KANK1: variants seen among roughly 807,000 people sequenced by gnomAD.
KANK1 encodes the protein KN motif and ankyrin repeat domain-containing protein 1.
KANK1 carries 109 observed loss-of-function variants against 106.2 expected under a neutral mutation model. The observed-to-expected ratio is 1.03, with a 90% CI of 0.88 to 1.20. The LOEUF (loss-of-function observed/expected upper bound fraction) is 1.20. Ranked by LOEUF, KANK1 falls within the 50% of genes most tolerant of loss-of-function variation. KANK1 has a pLI of 0.00. For missense variants in KANK1, 2,399 were observed against 1,710.7 expected, an observed-to-expected ratio of 1.40 and a Z score of -7.10; for synonymous variants, 873 against 652.2, an observed-to-expected ratio of 1.34 and a Z score of -5.16.
chr9:717,203 G>A (rs1008476984), intron 3 of KANK1, among the ~76,000 whole-genome samples: 139 of 151,866 alleles, frequency 9.2e-4, no homozygotes, highest in African/African-American at 3.1e-3. Context: ...GAAGATCACC[G>A]GCGCCCTAGA....
intron 1 of KANK1, among the ~76,000 whole-genome samples, chr9:656,883 T>C (rs578246698): frequency 5.3e-5 from 8 of 152,308 alleles, no homozygotes; most frequent in African/African-American, 1.9e-4. Flanking sequence ...TTTTTCCTTT[T>C]TTTTTATTGT....
intron 1 of KANK1, among the ~76,000 whole-genome samples, chr9:638,508 C>A (rs886504206): frequency 1.3e-5 from 2 of 152,154 alleles, no homozygotes; most frequent in Admixed American, 6.5e-5. Context: ...TCAGATAAAT[C>A]TCTTATTTCC....
At chr9:602,957 T>TG (rs1384091922) in intron 1 of KANK1, among the ~76,000 whole-genome samples, 1 of 151,886 alleles carries the variant, frequency 6.6e-6, no homozygotes, top group African/African-American at 2.4e-5. Flanking sequence ...GTGTGGCTGA[T>TG]GGGGTTATCA....
chr9:544,160 A>G (rs1448207811), intron 1 of KANK1, among the ~76,000 whole-genome samples: 1 of 151,852 alleles, frequency 6.6e-6, no homozygotes, highest in African/African-American at 2.4e-5. Flanking sequence ...AGCTGGGACC[A>G]CAGGTGTGCA....
chr9:632,282 A>C (rs10815389), intron 1 of KANK1, among the ~76,000 whole-genome samples: 22,577 of 152,178 alleles, frequency 0.15, 1,835 homozygotes, highest in Admixed American at 0.17. Flanking sequence ...AGATTTTGAT[A>C]TCTAGGATGA....
chr9:648,190 G>T (rs1278953697), intron 1 of KANK1, among the ~76,000 whole-genome samples: 2 of 143,332 alleles, frequency 1.4e-5, no homozygotes, highest in Non-Finnish European at 2.9e-5. Context: ...TTTTAGTAGA[G>T]ACGGGGTGTC....
In KANK1 at chr9:742,344, A is replaced by C. The variant is rs781511160; in HGVS notation, c.3836A>C (p.His1279Pro). ...TALMCASEHG[H>P]VEIVKLLLAQ... The stretch of plus-strand genomic sequence containing the variant: ...CTCATGTGTGCCAGCGAGCACGGAC[A>C]CGTGGAGATTGTCAAGCTGCTGCTG... Residue 1279 changes from histidine to proline, a missense_variant, in exon 10 of 12, where the codon CAC becomes CCC. Transcript: ENST00000382297. 1 of 1,614,110 alleles carries C rather than the reference A, an allele frequency of 6.2e-7. No homozygotes were observed. Among genetic ancestry groups the C allele is most frequent in the South Asian group, 1.1e-5 (1 of 91,080 alleles).
chr9:634,830 C>T (rs1836685539), intron 1 of KANK1, among the ~76,000 whole-genome samples: 1 of 152,136 alleles, frequency 6.6e-6, no homozygotes, highest in Non-Finnish European at 1.5e-5. Flanking sequence ...ATTTAGTGGC[C>T]CACTGATATC....
At chr9:541,285 G>A (rs547969989) in intron 1 of KANK1, among the ~76,000 whole-genome samples, 6 of 152,108 alleles carry the variant, frequency 3.9e-5, no homozygotes, top group African/African-American at 7.2e-5. Flanking sequence ...ATTTACAGTC[G>A]GTTGGCTCTT....
At chr9:575,161 C>G (rs1820212167) in intron 1 of KANK1, among the ~76,000 whole-genome samples, 1 of 152,204 alleles carries the variant, frequency 6.6e-6, no homozygotes, top group African/African-American at 2.4e-5. Context: ...ACAATATTCT[C>G]AAAGACAAGG....
intron 1 of KANK1, among the ~76,000 whole-genome samples, chr9:505,382 G>A (rs1485363945): frequency 2.6e-5 from 4 of 152,206 alleles, no homozygotes; most frequent in Admixed American, 6.5e-5. Flanking sequence ...TGCGGCCTCT[G>A]GGGCGGCCCA....
At chr9:500,255 T>C (rs529908800), upstream of KANK1, among the ~76,000 whole-genome samples, 3 of 152,312 alleles carry the variant, frequency 2.0e-5, no homozygotes, top group South Asian at 6.2e-4. Context: ...ACATCTCTCA[T>C]GAAGCAAAAT....
At chr9:691,487 C>T (rs1375376573) in intron 2 of KANK1, among the ~76,000 whole-genome samples, 1 of 151,274 alleles carries the variant, frequency 6.6e-6, no homozygotes, top group African/African-American at 2.4e-5. Context: ...TCTCAAACTC[C>T]TGAGCTCAAG....
Position 557,205 on chromosome 9 carries a change from A to AC in KANK1, c.-84+52451_-84+52452insC, listed in dbSNP as rs553043788. ...CTCAAAAGGAAAAAAAAAAAAAAAA[A>AC]AAATTTATTCATTAGTTATAAATGC... On this transcript the variant is annotated intron_variant, in intron 1 of 11. Transcript: ENST00000382297. 4.4e-4 allele frequency among the ~76,000 whole-genome samples: 65 copies of AC among 148,660 alleles called. 1 individual carries two copies. The highest frequency in any genetic ancestry group is 3.4e-3 in the Middle Eastern group (1 of 292).
chr9:639,413 C>T (rs767736017), intron 1 of KANK1, among the ~76,000 whole-genome samples: 4 of 152,098 alleles, frequency 2.6e-5, no homozygotes, highest in Non-Finnish European at 5.9e-5. Context: ...TCCTCCCTGG[C>T]TCAAGGGATT....
chr9:713,563 A>G, intron 3 of KANK1, 99 bp downstream of exon 3: 1 of 1,322,600 alleles, frequency 7.6e-7, no homozygotes, highest in Non-Finnish European at 1.0e-6. Context: ...CCATTTTTGG[A>G]GGAGAAATGG....
chr9:544,162 A>C (rs985166746), intron 1 of KANK1, among the ~76,000 whole-genome samples: 15 of 151,984 alleles, frequency 9.9e-5, no homozygotes, highest in African/African-American at 3.6e-4. Flanking sequence ...CTGGGACCAC[A>C]GGTGTGCACC....
intron 3 of KANK1, among the ~76,000 whole-genome samples, chr9:483,268 G>A (rs1320681281): frequency 1.3e-5 from 2 of 152,162 alleles, no homozygotes; most frequent in African/African-American, 4.8e-5. Flanking sequence ...GGATTAGAGG[G>A]GAGTATGGTA....
In KANK1 at chr9:711,137, C is replaced by A. The variant is rs774075971; in HGVS notation, c.371C>A (p.Pro124His). 2.5e-6 allele frequency: 4 copies of A among 1,614,192 alleles called. No homozygotes were observed. The highest frequency in any genetic ancestry group is 3.4e-6 in the Non-Finnish European group (4 of 1,180,038). The change falls in exon 3 of 12, where the codon CCT becomes CAT. Residue 124 changes from proline to histidine, a missense_variant. Pro to His is a moderately conservative substitution (Grantham distance 77). Transcript: ENST00000382297. ...ACTCCAATCTCAAAGCCACCTCCCC[C>A]TCTGGAGACCTCACTCCCTTTTCTT... ...TSTPISKPPPPLETSLPFLTI... is the reference protein window; with the variant it reads ...TSTPISKPPPHLETSLPFLTI...
Sources: allele counts gnomAD v4.1 joint callset (sites outside exome capture counted in the v4.1 genomes callset), GRCh38; gene constraint gnomAD v4.1.1; transcripts MANE v1.5; gene names NCBI Gene and HGNC (gene_info 2026-07-23, HGNC 2026-07-21).